FAM13A: variants seen among roughly 807,000 people sequenced by gnomAD.
The protein encoded by FAM13A is protein FAM13A.
FAM13A carries 76 observed loss-of-function variants against 129.6 expected under a neutral mutation model. The observed-to-expected ratio is 0.59, with a 90% CI of 0.49 to 0.71. FAM13A has a LOEUF of 0.71. Ranked by LOEUF, FAM13A falls within the 30% of genes least tolerant of loss-of-function variation. The pLI, the probability that FAM13A is intolerant of heterozygous loss-of-function variation, is 0.00. For synonymous variants in FAM13A, 443 were observed against 449.9 expected, an observed-to-expected ratio of 0.98 and a Z score of 0.20; for missense variants, 1,108 against 1,249.3, an observed-to-expected ratio of 0.89 and a Z score of 1.70.
chr4:88,934,189 G>A (rs1178257373), intron 5 of FAM13A, among the ~76,000 whole-genome samples: 1 of 152,054 alleles, frequency 6.6e-6, no homozygotes, highest in Non-Finnish European at 1.5e-5. Flanking sequence ...ATAAGCAAAG[G>A]CCAATCCTCT....
chr4:88,933,725 C>T (rs1342605492), intron 5 of FAM13A, among the ~76,000 whole-genome samples: 1 of 152,136 alleles, frequency 6.6e-6, no homozygotes, highest in Non-Finnish European at 1.5e-5. Context: ...TACCATCATC[C>T]ATGCCCAATT....
At chr4:88,753,630 C>A (rs1045157568) in intron 14 of FAM13A, 14 of 942,078 alleles carry the variant, frequency 1.5e-5, no homozygotes, top group Non-Finnish European at 1.5e-5. Flanking sequence ...TGATTCTCTC[C>A]TTTTTCTCTC....
chr4:89,018,386 C>A (rs1766803363), intron 3 of FAM13A, among the ~76,000 whole-genome samples: 1 of 152,338 alleles, frequency 6.6e-6, no homozygotes, highest in East Asian at 1.9e-4. Flanking sequence ...GCACCTTGAT[C>A]TTGGACTTGC....
intron 13 of FAM13A, among the ~76,000 whole-genome samples, chr4:88,764,984 G>C (rs1298851072): frequency 6.6e-6 from 1 of 152,132 alleles, no homozygotes; most frequent in African/African-American, 2.4e-5. Flanking sequence ...AAATTAAAAA[G>C]ATATGAAACA....
intron 6 of FAM13A, among the ~76,000 whole-genome samples, chr4:88,901,656 T>G (rs1338162248): frequency 6.6e-6 from 1 of 152,028 alleles, no homozygotes; most frequent in African/African-American, 2.4e-5. Context: ...GAGGGAAATT[T>G]ATAGCACTAA....
intron 6 of FAM13A, among the ~76,000 whole-genome samples, chr4:88,898,651 G>A (rs1183515201): frequency 1.3e-5 from 2 of 151,676 alleles, no homozygotes; most frequent in Non-Finnish European, 2.9e-5. Flanking sequence ...AGAAAACAGA[G>A]TTTTAAAAAA....
intron 7 of FAM13A, among the ~76,000 whole-genome samples, chr4:88,806,764 G>C (rs1455482136): frequency 6.6e-6 from 1 of 152,148 alleles, no homozygotes; most frequent in Non-Finnish European, 1.5e-5. Flanking sequence ...TGAAGAGTAA[G>C]AGGGGACAAC....
intron 4 of FAM13A, among the ~76,000 whole-genome samples, chr4:88,949,053 C>T (rs1756468717): frequency 6.6e-6 from 1 of 152,130 alleles, no homozygotes; most frequent in Non-Finnish European, 1.5e-5. Context: ...ACTTTTTTTA[C>T]AAAACTAATA....
rs778873638 is a variant in FAM13A, at chr4:88,772,307, C to T, written c.1459-4248G>A. On this transcript the variant is annotated intron_variant, in intron 11 of 23. Transcript: ENST00000264344. Reference sequence around the variant, plus strand: ...CTTTTGTACATTTTATGTTTTATTGCTTAAAATTGTATAAGCGCATTCATA... The same window carrying T: ...CTTTTGTACATTTTATGTTTTATTGTTTAAAATTGTATAAGCGCATTCATA... Among the ~76,000 whole-genome samples the T allele has an allele frequency of 2.6e-5, 4 of 152,074 alleles. No homozygotes were observed. The South Asian group carries it at 6.2e-4, about 24-fold the overall frequency.
intron 11 of FAM13A, among the ~76,000 whole-genome samples, chr4:88,775,929 CGT>C (rs1721620845): frequency 6.6e-6 from 1 of 152,162 alleles, no homozygotes; most frequent in African/African-American, 2.4e-5. Context: ...GGCTAAGTAA[CGT>C]GCTTTACTTG....
intron 5 of FAM13A, among the ~76,000 whole-genome samples, chr4:88,925,326 C>G (rs1451957296): frequency 3.3e-5 from 5 of 152,112 alleles, no homozygotes; most frequent in Non-Finnish European, 7.3e-5. Flanking sequence ...CAATGATAGA[C>G]TGGATTAAGA....
intron 6 of FAM13A, among the ~76,000 whole-genome samples, chr4:88,905,432 TG>T (rs2150228399): frequency 6.6e-6 from 1 of 152,264 alleles, no homozygotes; most frequent in East Asian, 1.9e-4. Context: ...ATTTTACGTT[TG>T]GGGGTACATG....
intron 5 of FAM13A, among the ~76,000 whole-genome samples, chr4:88,913,114 AGAG>A (rs1749377418): frequency 2.0e-5 from 3 of 149,860 alleles, no homozygotes; most frequent in African/African-American, 4.9e-5. Context: ...AGGAAGAGGA[AGAG>A]GAAGAAGAAC....
intron 5 of FAM13A, among the ~76,000 whole-genome samples, chr4:88,921,494 C>T (rs943112402): frequency 7.2e-5 from 11 of 152,070 alleles, no homozygotes; most frequent in Non-Finnish European, 1.3e-4. Context: ...TACAGACAAG[C>T]AAATGTTGAG....
intron 3 of FAM13A, among the ~76,000 whole-genome samples, chr4:89,004,974 T>G (rs545078252): frequency 9.4e-6 from 1 of 106,570 alleles, no homozygotes; most frequent in Admixed American, 9.4e-5. Flanking sequence ...GGTAAACTCA[T>G]GTCATGGTTT....
chr4:88,975,727 T>C (rs189343055), intron 4 of FAM13A, among the ~76,000 whole-genome samples: 78 of 152,334 alleles, frequency 5.1e-4, no homozygotes, highest in African/African-American at 1.8e-3. Flanking sequence ...TTTTTAAAAG[T>C]TGTACTTAAC....
intron 4 of FAM13A, among the ~76,000 whole-genome samples, chr4:88,954,441 A>G (rs1458805216): frequency 6.6e-6 from 1 of 152,220 alleles, no homozygotes; most frequent in African/African-American, 2.4e-5. Context: ...AGGCTAGTCA[A>G]TGACACTTCT....
intron 4 of FAM13A, among the ~76,000 whole-genome samples, chr4:88,983,183 G>A (rs185374309): frequency 7.8e-4 from 118 of 152,110 alleles, no homozygotes; most frequent in African/African-American, 2.8e-3. Context: ...ACTTCTGCTT[G>A]AAAACTTAGT....
intron 11 of FAM13A, among the ~76,000 whole-genome samples, chr4:88,772,326 A>T (rs1022238951): frequency 2.0e-5 from 3 of 152,190 alleles, no homozygotes; most frequent in Admixed American, 6.5e-5. Flanking sequence ...GTATAAGCGC[A>T]TTCATATTCA....
Sources: allele counts gnomAD v4.1 joint callset (sites outside exome capture counted in the v4.1 genomes callset), GRCh38; gene constraint gnomAD v4.1.1; transcripts MANE v1.5; gene names NCBI Gene and HGNC (gene_info 2026-07-23, HGNC 2026-07-21).